CGN: variants seen among roughly 807,000 people sequenced by gnomAD.
CGN encodes the protein cingulin.
In CGN, 121 loss-of-function variants were observed where a neutral mutation model predicts 157.1. The observed-to-expected ratio is 0.77, with a 90% CI of 0.66 to 0.90. The LOEUF (loss-of-function observed/expected upper bound fraction) is 0.90, where lower values mean the gene tolerates loss of function less well. Ranked by LOEUF, CGN falls within the 40% of genes least tolerant of loss-of-function variation. CGN has a pLI of 0.00. For missense variants in CGN, 1,424 were observed against 1,520.9 expected, an observed-to-expected ratio of 0.94 and a Z score of 1.06; for synonymous variants, 535 against 607.5, an observed-to-expected ratio of 0.88 and a Z score of 1.76.
At position 151,519,312 on chromosome 1, in the gene CGN, C is replaced by G; in HGVS notation, c.793C>G (p.Arg265Gly). Residue 265 changes from arginine (R) to glycine (G), a missense_variant, in exon 2 of 21, where the codon CGT (arginine) becomes GGT (glycine). This residue lies in a region of CGN where 1,187 missense variants were observed against 1,217.6 expected (regional missense o/e 0.97). Transcript: ENST00000271636. The stretch of plus-strand genomic sequence containing the variant: ...CCTGAGTCCTCTCAGTGGCTTTAGC[C>G]GTTCTCGTCAGACTCAGGACTGGGT... ...QNLSPLSGFS[R>G]SRQTQDWVLQ... 7 of 1,612,664 alleles carry G rather than the reference C, an allele frequency of 4.3e-6. No homozygotes were observed. The highest frequency in any genetic ancestry group is 5.9e-6 in the Non-Finnish European group (7 of 1,180,006).
At chr1:151,510,749 G>C (rs1664263026), upstream of CGN, among the ~76,000 whole-genome samples, 1 of 152,130 alleles carries the variant, frequency 6.6e-6, no homozygotes, top group South Asian at 2.1e-4. Flanking sequence ...ATCGTAGGAC[G>C]GGAGGCAAAA....
intron 10 of CGN, chr1:151,527,810 C>CAT: frequency 1.0e-5 from 2 of 190,518 alleles, no homozygotes; most frequent in Non-Finnish European, 2.1e-5. Context: ...TGGTTTTATA[C>CAT]ACACACACAC....
Position 151,537,013 on chromosome 1 carries a change from G to A in CGN, c.3470+120G>A, listed in dbSNP as rs1664983431. The A allele has an allele frequency of 3.2e-6, 4 of 1,261,914 alleles. No individual in the cohort carries two copies. In the East Asian group the frequency reaches 7.5e-5, roughly 24 times the overall value. 78.2% of individuals were successfully genotyped at this position (1,261,914 alleles called of 1,614,324 possible). ...TGGTACTGTGTAGTCACTTGTTTCT[G>A]GTTGGAAGCCAGTATATTTATTTAT... On this transcript the variant is annotated intron_variant, in intron 20 of 20. Coordinates refer to ENST00000271636, the MANE Select transcript of CGN (RefSeq NM_020770.3).
intron 10 of CGN, among the ~76,000 whole-genome samples, chr1:151,528,374 A>G (rs1224456746): frequency 6.7e-6 from 1 of 150,308 alleles, no homozygotes; most frequent in African/African-American, 2.5e-5. Flanking sequence ...TTATGGAGTT[A>G]TATTTTACAT....
intron 1 of CGN, 123 bp from the exon 2 acceptor site, chr1:151,518,383 T>C: frequency 1.2e-6 from 1 of 802,726 alleles, no homozygotes; most frequent in Admixed American, 2.9e-5. Context: ...TCCAGGGGCC[T>C]TCTGTTAGTC....
Position 151,537,430 on chromosome 1 carries a change from A to T in CGN, c.*84A>T. 7.7e-7 allele frequency: 1 copy of T among 1,292,916 alleles called. No homozygotes were observed. Among genetic ancestry groups the T allele is most frequent in the Non-Finnish European group, 1.1e-6 (1 of 930,038 alleles). The allele number at this position is 1,292,916 out of a possible 1,614,324, so 80.1% of individuals were successfully genotyped here. A position where few individuals can be genotyped will look rare whatever the true frequency, so the allele number is the denominator to read the frequency against. ...CTGCTCTGCCCACCCTGGGTTCTGC[A>T]TTCCTATGGGTGACCCAATTATTCA... On this transcript the variant is annotated 3_prime_UTR_variant, in exon 21 of 21. Coordinates refer to ENST00000271636, the MANE Select transcript of CGN (RefSeq NM_020770.3).
Position 151,530,539 on chromosome 1 carries a change from G to A in CGN, c.2364G>A (p.Glu788=), listed in dbSNP as rs1664809941. ...CCCTGAATGCGTCCCAGGAAGAGGA[G>A]GGGAGTCTGGCAGCAGCCAAGCGGG... The part of the protein sequence containing the change: ...EEALNASQEE[E]GSLAAAKRAL... The change falls in exon 13 of 21, where the codon GAG becomes GAA. Residue 788 remains glutamate, a synonymous_variant. Coordinates refer to ENST00000271636, the MANE Select transcript of CGN (RefSeq NM_020770.3). 2 of 1,606,734 alleles carry A rather than the reference G, an allele frequency of 1.2e-6. No homozygotes were observed. Among genetic ancestry groups the A allele is most frequent in the Admixed American group, 3.4e-5 (2 of 59,226 alleles).
Position 151,530,693 on chromosome 1 carries a change from C to G in CGN, c.2518C>G (p.Leu840Val), listed in dbSNP as rs141613475. 32 of 1,558,172 alleles carry G rather than the reference C, an allele frequency of 2.1e-5. No individual in the cohort carries two copies. The African/African-American group carries it at 4.1e-4, about 20-fold the overall frequency. The change falls in exon 13 of 21, where the codon CTG (leucine) becomes GTG (valine). Residue 840 changes from leucine (L) to valine (V), a missense_variant. By Grantham distance (32) the Leu-to-Val change is conservative. Around this residue, in one of 3 missense-constraint regions of CGN, gnomAD observed 1,187 missense variants for 1,217.6 expected, o/e 0.97. Transcript: ENST00000271636. ...REVLRRGKAE[L>V]EEQKRLLDRT... ...GGTGCTCCGGCGAGGCAAGGCTGAGCTGGAGGAGCAGAAGCGTTTGCTGGA... is the reference window on the plus strand; with the variant it reads ...GGTGCTCCGGCGAGGCAAGGCTGAGGTGGAGGAGCAGAAGCGTTTGCTGGA...
intron 1 of CGN, among the ~76,000 whole-genome samples, chr1:151,517,834 T>C (rs899109930): frequency 2.7e-5 from 4 of 150,928 alleles, no homozygotes; most frequent in African/African-American, 9.8e-5. Context: ...TATATGTATG[T>C]ATGAAGATCA....
In CGN at chr1:151,537,439, G is replaced by A; in HGVS notation, c.*93G>A. 7 of 1,175,582 alleles carry A rather than the reference G, an allele frequency of 6.0e-6. No individual in the cohort carries two copies. Among genetic ancestry groups the A allele is most frequent in the Non-Finnish European group, 8.4e-6 (7 of 837,550 alleles). The allele number at this position is 1,175,582 out of a possible 1,614,324, so 72.8% of individuals were successfully genotyped here. On this transcript the variant is annotated 3_prime_UTR_variant, in exon 21 of 21. Coordinates refer to ENST00000271636, the MANE Select transcript of CGN (RefSeq NM_020770.3). ...CCACCCTGGGTTCTGCATTCCTATG[G>A]GTGACCCAATTATTCAGACCTAAGA...
chr1:151,533,123 G>A (rs1025797403), intron 14 of CGN, among the ~76,000 whole-genome samples: 4 of 152,158 alleles, frequency 2.6e-5, no homozygotes, highest in African/African-American at 9.7e-5. Flanking sequence ...CTGGGGATGG[G>A]ATCCAGGATC....
intron 1 of CGN, among the ~76,000 whole-genome samples, chr1:151,518,035 T>A (rs1333363706): frequency 1.3e-5 from 2 of 152,040 alleles, no homozygotes; most frequent in Non-Finnish European, 2.9e-5. Context: ...TTTGTAGAGA[T>A]GGGGTTTCAC....
In CGN at chr1:151,524,143, C is replaced by T; in HGVS notation, c.1269-83C>T. The T allele has an allele frequency of 7.8e-7, 1 of 1,279,286 alleles. No homozygotes were observed. The highest frequency in any genetic ancestry group is 1.1e-6 in the Non-Finnish European group (1 of 924,800). 79.2% of individuals were successfully genotyped at this position (1,279,286 alleles called of 1,614,324 possible). A position where few individuals can be genotyped will look rare whatever the true frequency, so the allele number is the denominator to read the frequency against. ...GATTTGAAGGAAGGAAGTTTAAATG[C>T]ATTAATAAATATGAATTAAAATATA... On this transcript the variant is annotated intron_variant, in intron 6 of 20. Coordinates refer to ENST00000271636, the MANE Select transcript of CGN (RefSeq NM_020770.3). This position sits in a 1 kb window ranked among gnomAD's most constrained non-coding sequence, Gnocchi z 4.4.
At chr1:151,516,833 T>G (rs544232618) in intron 1 of CGN, among the ~76,000 whole-genome samples, 514 of 147,500 alleles carry the variant, frequency 3.5e-3, no homozygotes, top group Non-Finnish European at 6.2e-3. Context: ...TGAGCCACCA[T>G]GCCCGGCCGA....
chr1:151,536,192 C>T, intron 18 of CGN, 45 bp from the exon 19 acceptor site: 2 of 1,258,424 alleles, frequency 1.6e-6, no homozygotes. Context: ...TTAGGATTCC[C>T]TTAGAAATGG....
In CGN at chr1:151,535,108, C is replaced by T. The variant is rs752209462; in HGVS notation, c.2971C>T (p.Arg991Trp). 2.0e-5 allele frequency: 32 copies of T among 1,613,726 alleles called. No individual in the cohort carries two copies. Among genetic ancestry groups the T allele is most frequent in the African/African-American group, 1.6e-4 (12 of 74,880 alleles). ...EKNTVELLTD[R>W]VNRGRDQVDQ... Reference sequence around the variant, plus strand: ...GAACACCGTGGAGCTGCTAACAGATCGGGTGAATCGTGGCCGGGACCAGGT... The same window carrying T: ...GAACACCGTGGAGCTGCTAACAGATTGGGTGAATCGTGGCCGGGACCAGGT... The change falls in exon 16 of 21, where the codon CGG becomes TGG. Residue 991 changes from arginine (R) to tryptophan (W), a missense_variant. Transcript: ENST00000271636.
chr1:151,515,085 C>T (rs960420527), intron 1 of CGN, among the ~76,000 whole-genome samples: 1 of 151,826 alleles, frequency 6.6e-6, no homozygotes, highest in Non-Finnish European at 1.5e-5. Context: ...TCACTGCAGC[C>T]TGTGCCTCTC....
At position 151,525,573 on chromosome 1, in the gene CGN, ACT is replaced by A. The variant is rs1571662453; in HGVS notation, c.1615-67_1615-66del. On this transcript the variant is annotated intron_variant, in intron 8 of 20. Transcript: ENST00000271636. Reference sequence around the variant, plus strand: ...TGGGTCTAAGCCTTTCCTTGTACACACTCACACTTTGATTTGAAGTGACCTCT... The same window carrying A: ...TGGGTCTAAGCCTTTCCTTGTACACACACACTTTGATTTGAAGTGACCTCT... 3.7e-6 allele frequency: 5 copies of A among 1,356,416 alleles called. No homozygotes were observed. The African/African-American group carries it at 7.6e-5, about 20-fold the overall frequency. The allele number at this position is 1,356,416 out of a possible 1,614,324, so 84.0% of individuals were successfully genotyped here.
intron 3 of CGN, 37 bp from the exon 4 acceptor site, chr1:151,520,377 C>T (rs1475819319): frequency 1.3e-6 from 2 of 1,591,686 alleles, no homozygotes; most frequent in Non-Finnish European, 1.7e-6. Flanking sequence ...TACCTCTTTC[C>T]TCCCCTAACC....
Sources: allele counts gnomAD v4.1 joint callset (sites outside exome capture counted in the v4.1 genomes callset), GRCh38; gene constraint gnomAD v4.1.1; regional missense constraint gnomAD v4.1.1; non-coding constraint Gnocchi (gnomAD v3.1); transcripts MANE v1.5; gene names NCBI Gene and HGNC (gene_info 2026-07-23, HGNC 2026-07-21).